GBP3: variants seen among roughly 807,000 people sequenced by gnomAD.
The protein encoded by GBP3 is guanylate-binding protein 3.
In GBP3, 55 loss-of-function variants were observed where a neutral mutation model predicts 62.4. The observed-to-expected ratio is 0.88, with a 90% CI of 0.71 to 1.10. GBP3 has a LOEUF of 1.10. Ranked by LOEUF, GBP3 falls within the 50% of genes least tolerant of loss-of-function variation. The pLI is 0.00. For missense variants in GBP3, 605 were observed against 690.6 expected (o/e 0.88, Z 1.39); for synonymous variants, 208 against 259.2 (o/e 0.80, Z 1.90).
chr1:89,013,526 C>T, intron 5 of GBP3, 99 bp from the exon 6 acceptor site: 1 of 1,233,232 alleles, frequency 8.1e-7, no homozygotes, highest in Non-Finnish European at 1.1e-6. Flanking sequence ...GGTCTCTTTT[C>T]CAAGTACTCA....
intron 1 of GBP3, among the ~76,000 whole-genome samples, chr1:89,021,833 A>AGAGAGAGAGAGAGAGAGAGAGAGAG (rs1570913044): frequency 1.8e-5 from 1 of 54,544 alleles, no homozygotes; most frequent in African/African-American, 5.5e-5. Flanking sequence ...GAGAGAGAGA[A>AGAGAGAGAGAGAGAGAGAGAGAGAG]AGTGCCAGCA....
chr1:89,015,499 A>C (rs1678838690), intron 2 of GBP3, 85 bp from the exon 3 acceptor site: 3 of 1,368,598 alleles, frequency 2.2e-6, no homozygotes, highest in Non-Finnish European at 3.0e-6. Flanking sequence ...CATCATGATT[A>C]ATGTTAAGAG....
At chr1:89,012,061 T>C (rs1211680205) in intron 6 of GBP3, 34 bp from the exon 7 acceptor site, 1 of 1,428,934 alleles carries the variant, frequency 7.0e-7, no homozygotes, top group South Asian at 1.2e-5. Context: ...ATGTTTCTTG[T>C]ACTAAAGAAA....
chr1:89,009,360 A>G (rs767743790), intron 9 of GBP3, 32 bp downstream of exon 9: 1 of 1,599,472 alleles, frequency 6.3e-7, no homozygotes. Context: ...GAAAAGCTTT[A>G]GGATAATCTG....
intron 2 of GBP3, 72 bp from the exon 3 acceptor site, chr1:89,015,486 T>G: frequency 7.0e-7 from 1 of 1,434,986 alleles, no homozygotes; most frequent in Admixed American, 1.9e-5. Context: ...GAGGCAAATG[T>G]AGCATCATGA....
intron 2 of GBP3, among the ~76,000 whole-genome samples, chr1:89,015,675 C>A (rs747249662): frequency 7.2e-6 from 1 of 138,854 alleles, no homozygotes; most frequent in Non-Finnish European, 1.5e-5. Flanking sequence ...ACCCAGGAGG[C>A]GGAGGTTGCA....
chr1:89,016,925 C>T (rs1264722130), intron 2 of GBP3, among the ~76,000 whole-genome samples: 1 of 152,134 alleles, frequency 6.6e-6, no homozygotes, highest in Non-Finnish European at 1.5e-5. Context: ...GAAAGACATC[C>T]TGTAAAAGTG....
Position 89,012,032 on chromosome 1 carries a change from A to C in GBP3, c.869-5T>G. ...TCAGCACTAGGCTCTCTAGACCTAC[A>C]TACAAAGAAGAAATGATAATGTTTC... On this transcript the variant is annotated splice_region_variant and splice_polypyrimidine_tract_variant and intron_variant, in intron 6 of 10. Transcript: ENST00000370481. 1.4e-6 allele frequency: 2 copies of C among 1,457,388 alleles called. 1 individual carries two copies. Among genetic ancestry groups the C allele is most frequent in the Non-Finnish European group, 1.9e-6 (2 of 1,051,298 alleles). 90.3% of individuals were successfully genotyped at this position (1,457,388 alleles called of 1,614,324 possible). A position where few individuals can be genotyped will look rare whatever the true frequency, so the allele number is the denominator to read the frequency against.
At chr1:89,019,885 G>A (rs535408684) in intron 2 of GBP3, among the ~76,000 whole-genome samples, 2 of 152,196 alleles carry the variant, frequency 1.3e-5, no homozygotes, top group African/African-American at 4.8e-5. Context: ...CTTAATAATG[G>A]TTACAAGGAT....
intron 6 of GBP3, among the ~76,000 whole-genome samples, chr1:89,012,250 A>T (rs1186154814): frequency 7.2e-6 from 1 of 138,960 alleles, no homozygotes; most frequent in Non-Finnish European, 1.7e-5. Flanking sequence ...TATGCATATC[A>T]ACATTTGAGA....
At chr1:89,009,267 ATGTCT>A (rs1426506602) in intron 9 of GBP3, 120 bp downstream of exon 9, 1 of 1,377,612 alleles carries the variant, frequency 7.3e-7, no homozygotes, top group Non-Finnish European at 1.0e-6. Flanking sequence ...CAAGTAAGAC[ATGTCT>A]TGCTTTAGTT....
intron 1 of GBP3, among the ~76,000 whole-genome samples, chr1:89,021,544 A>ACACACACC (rs761151308): frequency 0.074 from 10,398 of 140,728 alleles, 526 homozygotes; most frequent in Non-Finnish European, 0.1. Flanking sequence ...ACACACACAC[A>ACACACACC]CCCCAAAAAA....
In GBP3 at chr1:89,007,793, C is replaced by T. The variant is rs762756575; in HGVS notation, c.1719G>A (p.Glu573=). ...CQGESTQLQN[E]IQKLQKTLKK... ...TCAGGGTCTTCTGTAGCTTTTGTATCTCATTTTGAAGTTGGGTACTTTCAC... is the reference window on the plus strand; with the variant it reads ...TCAGGGTCTTCTGTAGCTTTTGTATTTCATTTTGAAGTTGGGTACTTTCAC... The change falls in exon 11 of 11, where the codon GAG becomes GAA. Residue 573 remains glutamate, a synonymous_variant. Transcript: ENST00000370481. The T allele has an allele frequency of 1.2e-6, 2 of 1,612,926 alleles. No individual in the cohort carries two copies. The highest frequency in any genetic ancestry group is 4.5e-5 in the East Asian group (2 of 44,834).
In GBP3 at chr1:89,009,488, C is replaced by A; in HGVS notation, c.1369G>T (p.Glu457Ter). The A allele has an allele frequency of 6.2e-7, 1 of 1,614,126 alleles. No homozygotes were observed. Among genetic ancestry groups the A allele is most frequent in the Non-Finnish European group, 8.5e-7 (1 of 1,179,996 alleles). Reference protein sequence around the residue: ...EEPRKGIQAEEILQTYLKSKE... With the variant: ...EEPRKGIQAE ...GATTTCAAGTATGTCTGCAGAATCT[C>A]TTCAGCCTTAGGACCCAGAGAACAC... The change falls in exon 9 of 11, where the codon GAG becomes TAG. Residue 457 changes from glutamate to a stop codon, truncating the protein, a stop_gained. Coordinates refer to ENST00000370481, the MANE Select transcript of GBP3 (RefSeq NM_018284.3). LOFTEE classifies it high-confidence loss of function.
At position 89,013,380 on chromosome 1, in the gene GBP3, G is replaced by A. The variant is rs4656077; in HGVS notation, c.673C>T (p.Arg225Trp). 0.43 allele frequency: 700,679 copies of A among 1,613,062 alleles called. 155,954 individuals are homozygous for A. The highest frequency in any genetic ancestry group is 0.45 in the Non-Finnish European group (536,473 of 1,179,188). The change falls in exon 6 of 11, where the codon CGG (arginine) becomes TGG (tryptophan). Residue 225 changes from arginine (R) to tryptophan (W), a missense_variant. Arg to Trp is a moderately radical substitution (Grantham distance 101). Around this residue, in one of 3 missense-constraint regions of GBP3, gnomAD observed 308 missense variants for 318.0 expected, o/e 0.97. Transcript: ENST00000370481. ...CATTTTTTCTTTGGGAAGAACTTCC[G>A]GATACAGAGTCGGGGCAGATTAAAA... is the stretch of plus-strand genomic sequence containing the variant. Reference protein sequence around the residue: ...KNFNLPRLCIRKFFPKKKCFV... With the variant: ...KNFNLPRLCIWKFFPKKKCFV...
intron 5 of GBP3, 171 bp from the exon 6 acceptor site, chr1:89,013,598 C>T: frequency 1.5e-6 from 1 of 687,720 alleles, no homozygotes; most frequent in Non-Finnish European, 2.3e-6. Flanking sequence ...GCATAGCATT[C>T]TTCCCAAAAA....
Position 89,007,435 on chromosome 1 carries a change from T to C in GBP3, c.*289A>G. The C allele has an allele frequency of 3.7e-6, 1 of 271,704 alleles. No individual in the cohort carries two copies. The highest frequency in any genetic ancestry group is 7.0e-6 in the Non-Finnish European group (1 of 143,726). 16.8% of individuals were successfully genotyped at this position (271,704 alleles called of 1,614,324 possible). A position where few individuals can be genotyped will look rare whatever the true frequency, so the allele number is the denominator to read the frequency against. On this transcript the variant is annotated 3_prime_UTR_variant, in exon 11 of 11. Transcript: ENST00000370481. ...GTGCCCAAATATGTCCCAAGATTTTTACCTAAGACTTTCCTCAGTATCCAC... is the reference window on the plus strand; with the variant it reads ...GTGCCCAAATATGTCCCAAGATTTTCACCTAAGACTTTCCTCAGTATCCAC...
intron 1 of GBP3, among the ~76,000 whole-genome samples, chr1:89,021,545 C>CACACACACA (rs1553178197): frequency 1.9e-4 from 9 of 47,508 alleles, no homozygotes; most frequent in South Asian, 8.8e-4. Context: ...CACACACACA[C>CACACACACA]CCCAAAAAAA....
chr1:89,010,978 C>A lies in GBP3; in HGVS notation c.1288G>T (p.Gly430Cys), dbSNP rs779877454. The change falls in exon 8 of 11, where the codon GGC becomes TGC. Residue 430 changes from glycine (G) to cysteine (C), a missense_variant. By Grantham distance (159) the Gly-to-Cys change is radical (BLOSUM62 -3). Coordinates refer to ENST00000370481, the MANE Select transcript of GBP3 (RefSeq NM_018284.3). ...VKAGIYSKPG[G>C]YCLFIQKLQD... ...AGCTTCTGAATAAAGAGACAATAGC[C>A]CCCTGGTTTCGAATAAATTCCCGCC... 2 of 1,461,340 alleles carry A rather than the reference C, an allele frequency of 1.4e-6. No homozygotes were observed. Among genetic ancestry groups the A allele is most frequent in the Admixed American group, 3.6e-5 (2 of 55,832 alleles). 90.5% of individuals were successfully genotyped at this position (1,461,340 alleles called of 1,614,324 possible). A position where few individuals can be genotyped will look rare whatever the true frequency, so the allele number is the denominator to read the frequency against.
Sources: gnomAD v4.1 joint callset for allele counts (sites outside exome capture counted in the v4.1 genomes callset) on GRCh38, gnomAD v4.1.1 for gene constraint, gnomAD v4.1.1 regional missense constraint, MANE v1.5 for transcripts, NCBI Gene and HGNC (gene_info 2026-07-23, HGNC 2026-07-21) for gene names.